Variants in CXCL13 observed in about 807,000 individuals in gnomAD.
The protein encoded by CXCL13 is C-X-C motif chemokine 13.
A neutral mutation model predicts 12.2 loss-of-function variants in CXCL13; 7 were observed. The ratio of observed to expected loss-of-function variants is 0.57; its 90% CI spans 0.33 to 1.07. The LOEUF (loss-of-function observed/expected upper bound fraction) is 1.07. CXCL13 is among the 50% of genes least tolerant of loss of function. The pLI, the probability that CXCL13 is intolerant of heterozygous loss-of-function variation, is 0.04. For missense variants in CXCL13, 113 were observed against 127.4 expected, an observed-to-expected ratio of 0.89 and a Z score of 0.55; for synonymous variants, 47 against 42.4, an observed-to-expected ratio of 1.11 and a Z score of -0.42.
intron 1 of CXCL13, among the ~76,000 whole-genome samples, chr4:77,552,858 G>A (rs76305891): frequency 0.02 from 3,050 of 152,302 alleles, 103 homozygotes; most frequent in African/African-American, 0.069. Flanking sequence ...CATAATCTAC[G>A]TACAGGAAGC....
At chr4:77,563,227 T>C (rs1725854533) in intron 1 of CXCL13, among the ~76,000 whole-genome samples, 1 of 152,074 alleles carries the variant, frequency 6.6e-6, no homozygotes, top group Non-Finnish European at 1.5e-5. Flanking sequence ...AGCCTCATTC[T>C]TGAAGTCAGT....
chr4:77,598,286 C>T (rs1279622737), intron 1 of CXCL13, among the ~76,000 whole-genome samples: 1 of 152,214 alleles, frequency 6.6e-6, no homozygotes, highest in Non-Finnish European at 1.5e-5. Context: ...TAGGGAGACT[C>T]TGCAGAGAGA....
intron 1 of CXCL13, among the ~76,000 whole-genome samples, chr4:77,516,785 G>C (rs1724432511): frequency 6.6e-6 from 1 of 152,002 alleles, no homozygotes; most frequent in Admixed American, 6.6e-5. Context: ...ATTTTTTGAA[G>C]GGTTTTTGTG....
At chr4:77,552,435 C>T (rs969652158) in intron 1 of CXCL13, among the ~76,000 whole-genome samples, 1 of 152,178 alleles carries the variant, frequency 6.6e-6, no homozygotes, top group Non-Finnish European at 1.5e-5. Context: ...ATAGATGGCA[C>T]TTATGGGTAA....
At chr4:77,515,954 T>G (rs904068771) in intron 1 of CXCL13, among the ~76,000 whole-genome samples, 3 of 152,226 alleles carry the variant, frequency 2.0e-5, no homozygotes, top group Admixed American at 2.0e-4. Flanking sequence ...TTGTCATAGA[T>G]AGCTCTTATT....
chr4:77,607,742 G>A lies in CXCL13; in HGVS notation c.104G>A (p.Cys35Tyr). Residue 35 changes from cysteine to tyrosine, a missense_variant, in exon 2 of 4, where the codon TGT (cysteine) becomes TAT (tyrosine). Transcript: ENST00000682537. The stretch of plus-strand genomic sequence containing the variant: ...TATTACACAAGCTTGAGGTGTAGAT[G>A]TGTCCAAGAGAGCTCAGTCTTTATC... ...EVYYTSLRCR[C>Y]VQESSVFIPR... 1 of 1,610,854 alleles carries A rather than the reference G, an allele frequency of 6.2e-7. No individual in the cohort carries two copies. Among genetic ancestry groups the A allele is most frequent in the Non-Finnish European group, 8.5e-7 (1 of 1,178,334 alleles).
chr4:77,561,443 G>A (rs1725809788), intron 1 of CXCL13, among the ~76,000 whole-genome samples: 1 of 152,208 alleles, frequency 6.6e-6, no homozygotes, highest in African/African-American at 2.4e-5. Flanking sequence ...GCTTCATACA[G>A]TTCTAATTAT....
At chr4:77,559,806 C>T (rs1038457348) in intron 1 of CXCL13, among the ~76,000 whole-genome samples, 1 of 151,546 alleles carries the variant, frequency 6.6e-6, no homozygotes, top group Non-Finnish European at 1.5e-5. Flanking sequence ...CCTGTAGTCC[C>T]AGCTACTCAG....
intron 1 of CXCL13, among the ~76,000 whole-genome samples, chr4:77,543,241 T>G (rs1725251213): frequency 6.6e-6 from 1 of 152,052 alleles, no homozygotes; most frequent in Non-Finnish European, 1.5e-5. Flanking sequence ...TGCTTATTTT[T>G]CCTGTTTTTT....
intron 1 of CXCL13, among the ~76,000 whole-genome samples, chr4:77,514,145 T>C (rs1724347526): frequency 6.6e-6 from 1 of 152,042 alleles, no homozygotes; most frequent in Non-Finnish European, 1.5e-5. Context: ...TCATCATTTT[T>C]TATGGCTGCA....
At chr4:77,522,338 T>C (rs1199610846) in intron 1 of CXCL13, among the ~76,000 whole-genome samples, 2 of 152,006 alleles carry the variant, frequency 1.3e-5, no homozygotes, top group African/African-American at 4.8e-5. Context: ...TGTAGGTCTC[T>C]AAGGACTTGC....
chr4:77,548,146 G>T (rs1161455447), intron 1 of CXCL13, among the ~76,000 whole-genome samples: 1 of 152,146 alleles, frequency 6.6e-6, no homozygotes, highest in Non-Finnish European at 1.5e-5. Context: ...TTACATTATT[G>T]CACTTGGATG....
intron 1 of CXCL13, among the ~76,000 whole-genome samples, chr4:77,533,442 C>T (rs939002878): frequency 7.9e-5 from 12 of 152,194 alleles, no homozygotes; most frequent in Non-Finnish European, 1.5e-4. Context: ...CAGTCTGCCC[C>T]TACTGGGAGG....
intron 1 of CXCL13, among the ~76,000 whole-genome samples, chr4:77,533,192 T>C (rs1179556146): frequency 6.6e-6 from 1 of 152,196 alleles, no homozygotes; most frequent in Admixed American, 6.5e-5. Flanking sequence ...TTGATGATGG[T>C]GAAGTACAGA....
intron 1 of CXCL13, among the ~76,000 whole-genome samples, chr4:77,517,062 G>T (rs1167713632): frequency 6.6e-6 from 1 of 151,926 alleles, no homozygotes; most frequent in African/African-American, 2.4e-5. Context: ...ATTTTGTTAT[G>T]TACCCAGTAG....
intron 1 of CXCL13, among the ~76,000 whole-genome samples, chr4:77,514,026 A>T (rs541604686): frequency 1.3e-5 from 2 of 152,056 alleles, no homozygotes; most frequent in Admixed American, 1.3e-4. Context: ...TCATTGTTCA[A>T]TTCCCACCTA....
chr4:77,564,745 T>C, intron 1 of CXCL13, among the ~76,000 whole-genome samples: 1 of 152,106 alleles, frequency 6.6e-6, no homozygotes, highest in East Asian at 1.9e-4. Flanking sequence ...AATTATGACA[T>C]ATAGCTCCCC....
At chr4:77,548,117 A>C (rs1454424760) in intron 1 of CXCL13, among the ~76,000 whole-genome samples, 1 of 152,204 alleles carries the variant, frequency 6.6e-6, no homozygotes, top group Non-Finnish European at 1.5e-5. Flanking sequence ...GGCCAGCAGA[A>C]GTCCAAAAAA....
chr4:77,535,729 C>T (rs916875305), intron 1 of CXCL13, among the ~76,000 whole-genome samples: 11 of 152,128 alleles, frequency 7.2e-5, no homozygotes, highest in African/African-American at 1.2e-4. Context: ...GATGTTTTGA[C>T]CAACCACTCA....
Sources: allele counts gnomAD v4.1 joint callset (sites outside exome capture counted in the v4.1 genomes callset), GRCh38; gene constraint gnomAD v4.1.1; transcripts MANE v1.5; gene names NCBI Gene and HGNC (gene_info 2026-07-23, HGNC 2026-07-21).